AGBL4: variants seen among roughly 807,000 people sequenced by gnomAD.
AGBL4 encodes cytosolic carboxypeptidase 6.
AGBL4 carries 58 observed loss-of-function variants against 66.4 expected under a neutral mutation model. That is an observed-to-expected ratio of 0.87 (90% CI 0.71 to 1.09). AGBL4 has a LOEUF of 1.09. Ranked by LOEUF, AGBL4 falls within the 50% of genes least tolerant of loss-of-function variation. The pLI is 0.00. For missense variants in AGBL4, 579 were observed against 631.0 expected, an observed-to-expected ratio of 0.92 and a Z score of 0.88; for synonymous variants, 234 against 222.9, an observed-to-expected ratio of 1.05 and a Z score of -0.44.
chr1:49,776,627 T>C (rs1644205303), intron 2 of AGBL4, among the ~76,000 whole-genome samples: 1 of 152,108 alleles, frequency 6.6e-6, no homozygotes, highest in Non-Finnish European at 1.5e-5. Flanking sequence ...ATCACTGCTC[T>C]TCACATAACT....
At chr1:48,580,805 T>G (rs1214295638) in intron 11 of AGBL4, among the ~76,000 whole-genome samples, 2 of 152,214 alleles carry the variant, frequency 1.3e-5, no homozygotes, top group Non-Finnish European at 2.9e-5. Flanking sequence ...CTCCATGGTC[T>G]GGCTCTGCCT....
intron 1 of AGBL4, among the ~76,000 whole-genome samples, chr1:49,971,887 C>A (rs1658118603): frequency 1.8e-5 from 1 of 56,358 alleles, no homozygotes; most frequent in Non-Finnish European, 4.0e-5. Flanking sequence ...TATTTAAGTA[C>A]AAGTGCAGGG....
chr1:48,688,986 A>G (rs539160521), intron 6 of AGBL4, among the ~76,000 whole-genome samples: 2 of 151,862 alleles, frequency 1.3e-5, no homozygotes, highest in Non-Finnish European at 2.9e-5. Flanking sequence ...ACCCACTAGT[A>G]TCTAGGACAT....
At chr1:49,480,945 G>C (rs1375344957) in intron 3 of AGBL4, among the ~76,000 whole-genome samples, 1 of 151,938 alleles carries the variant, frequency 6.6e-6, no homozygotes, top group South Asian at 2.1e-4. Context: ...TCAGATACTT[G>C]TAGGTATGTG....
At chr1:48,907,971 G>A (rs1297648665) in intron 5 of AGBL4, among the ~76,000 whole-genome samples, 1 of 152,080 alleles carries the variant, frequency 6.6e-6, no homozygotes, top group Non-Finnish European at 1.5e-5. Context: ...GTATGTGAGT[G>A]TGTGTGTGTA....
At chr1:49,266,906 T>C (rs1055849664) in intron 3 of AGBL4, among the ~76,000 whole-genome samples, 1 of 152,208 alleles carries the variant, frequency 6.6e-6, no homozygotes, top group Non-Finnish European at 1.5e-5. Context: ...GGTTCAGATT[T>C]GTGTTTCAGA....
chr1:49,299,382 A>G (rs922108788), intron 3 of AGBL4, among the ~76,000 whole-genome samples: 5 of 152,208 alleles, frequency 3.3e-5, no homozygotes, highest in Non-Finnish European at 5.9e-5. Context: ...ACTCTTAAAC[A>G]TTACTACTGT....
intron 3 of AGBL4, among the ~76,000 whole-genome samples, chr1:49,671,140 A>C (rs2124524465): frequency 6.6e-6 from 1 of 152,294 alleles, no homozygotes; most frequent in South Asian, 2.1e-4. Flanking sequence ...AAACACAGAC[A>C]CATAGGCCTA....
chr1:49,525,751 G>A (rs1380041469), intron 3 of AGBL4, among the ~76,000 whole-genome samples: 8 of 152,060 alleles, frequency 5.3e-5, no homozygotes, highest in Admixed American at 2.0e-4. Context: ...AAAGTGTATC[G>A]TGAGGAGACA....
At chr1:49,235,539 G>T (rs1237041645) in intron 4 of AGBL4, among the ~76,000 whole-genome samples, 2 of 152,188 alleles carry the variant, frequency 1.3e-5, no homozygotes, top group Non-Finnish European at 2.9e-5. Context: ...GCTCTGTTGT[G>T]TACTTACTTG....
intron 2 of AGBL4, among the ~76,000 whole-genome samples, chr1:49,719,181 A>G (rs948786410): frequency 6.6e-6 from 1 of 152,148 alleles, no homozygotes; most frequent in African/African-American, 2.4e-5. Context: ...CCCTGGAAAT[A>G]AAGGAGAAAA....
chr1:48,754,334 C>T (rs1426345123), intron 6 of AGBL4, among the ~76,000 whole-genome samples: 2 of 152,220 alleles, frequency 1.3e-5, no homozygotes, highest in African/African-American at 4.8e-5. Flanking sequence ...GGTTTAAACA[C>T]ACCATTCTAA....
intron 1 of AGBL4, among the ~76,000 whole-genome samples, chr1:50,007,852 T>C (rs747105121): frequency 2.6e-5 from 4 of 151,510 alleles, no homozygotes; most frequent in African/African-American, 9.7e-5. Flanking sequence ...TCCATGCAAA[T>C]AGAAACCCAA....
intron 11 of AGBL4, among the ~76,000 whole-genome samples, chr1:48,546,867 AC>A (rs1179556936): frequency 1.4e-5 from 2 of 148,052 alleles, no homozygotes; most frequent in African/African-American, 5.0e-5. Flanking sequence ...ACAAACAAAC[AC>A]ACACACACAC....
chr1:48,725,697 G>A (rs1159227342), intron 6 of AGBL4, among the ~76,000 whole-genome samples: 1 of 152,170 alleles, frequency 6.6e-6, no homozygotes, highest in East Asian at 1.9e-4. Flanking sequence ...CCAGGACCTT[G>A]AGCAAGAAAT....
intron 3 of AGBL4, among the ~76,000 whole-genome samples, chr1:49,359,481 C>T (rs1644092551): frequency 1.3e-5 from 2 of 152,060 alleles, no homozygotes; most frequent in African/African-American, 4.8e-5. Context: ...ATGCAAAAAG[C>T]AAAGTAAATA....
At chr1:49,959,179 A>G (rs927789019) in intron 1 of AGBL4, among the ~76,000 whole-genome samples, 5 of 152,100 alleles carry the variant, frequency 3.3e-5, no homozygotes, top group Non-Finnish European at 4.4e-5. Context: ...TGGAAATTCA[A>G]AGAGGAGTTG....
At chr1:49,093,808 T>C (rs1645042485) in intron 4 of AGBL4, among the ~76,000 whole-genome samples, 1 of 152,204 alleles carries the variant, frequency 6.6e-6, no homozygotes, top group Non-Finnish European at 1.5e-5. Flanking sequence ...CTCTATTCAA[T>C]ATACAATTTG....
chr1:49,629,557 T>C (rs958915788), intron 3 of AGBL4, among the ~76,000 whole-genome samples: 18 of 152,322 alleles, frequency 1.2e-4, no homozygotes, highest in Admixed American at 1.2e-3. Flanking sequence ...AGACACACTG[T>C]GAGCCAGACT....
Sources: gnomAD v4.1 joint callset for allele counts (sites outside exome capture counted in the v4.1 genomes callset) on GRCh38, gnomAD v4.1.1 for gene constraint, MANE v1.5 for transcripts, NCBI Gene and HGNC (gene_info 2026-07-23, HGNC 2026-07-21) for gene names.